The following GRIK2 variants were observed in gnomAD, a reference collection of about 807,000 sequenced individuals.
GRIK2 encodes the protein glutamate receptor ionotropic, kainate 2.
GRIK2 carries 32 observed loss-of-function variants against 100.3 expected under a neutral mutation model. The ratio of observed to expected loss-of-function variants is 0.32; its 90% CI spans 0.24 to 0.43. The LOEUF is 0.43. Ranked by LOEUF, GRIK2 falls within the 20% of genes least tolerant of loss-of-function variation. The pLI is 1.00. For missense variants in GRIK2, 843 were observed against 1,114.9 expected (o/e 0.76, Z 3.47); for synonymous variants, 417 against 389.4 (o/e 1.07, Z -0.83).
chr6:101,798,051 T>TG (rs1780432289), intron 7 of GRIK2, among the ~76,000 whole-genome samples: 1 of 151,316 alleles, frequency 6.6e-6, no homozygotes, highest in African/African-American at 2.4e-5. Flanking sequence ...TCTTTTTTTT[T>TG]TTTTTTCTAA....
chr6:101,782,780 C>T (rs1779176701), intron 7 of GRIK2, among the ~76,000 whole-genome samples: 1 of 151,682 alleles, frequency 6.6e-6, no homozygotes, highest in South Asian at 2.1e-4. Context: ...GAGTGAGCAC[C>T]ATGCTATTTT....
chr6:101,513,710 A>C (rs1354421480), intron 2 of GRIK2, among the ~76,000 whole-genome samples: 1 of 152,134 alleles, frequency 6.6e-6, no homozygotes, highest in East Asian at 1.9e-4. Flanking sequence ...CAGACACCTT[A>C]GATAGGAGTA....
At chr6:101,731,933 C>T (rs933767610) in intron 7 of GRIK2, among the ~76,000 whole-genome samples, 5 of 151,936 alleles carry the variant, frequency 3.3e-5, no homozygotes, top group Admixed American at 6.6e-5. Context: ...AATTACAAAT[C>T]TTTTCTCAAA....
intron 4 of GRIK2, among the ~76,000 whole-genome samples, chr6:101,675,796 ATGT>A (rs1192489462): frequency 6.6e-6 from 1 of 152,150 alleles, no homozygotes; most frequent in African/African-American, 2.4e-5. Flanking sequence ...TTTTAATTTA[ATGT>A]TGTTAACTAG....
intron 14 of GRIK2, among the ~76,000 whole-genome samples, chr6:101,981,746 A>C (rs888273146): frequency 1.4e-4 from 22 of 151,968 alleles, no homozygotes; most frequent in African/African-American, 5.3e-4. Flanking sequence ...TAAGGGAAGA[A>C]AAAATGGAAA....
chr6:101,680,796 T>C (rs570340419), intron 5 of GRIK2, among the ~76,000 whole-genome samples: 1 of 152,288 alleles, frequency 6.6e-6, no homozygotes, highest in South Asian at 2.1e-4. Context: ...ACAAATATGA[T>C]CTTGTAAATT....
intron 2 of GRIK2, among the ~76,000 whole-genome samples, chr6:101,619,292 ACT>A (rs1298912139): frequency 6.6e-6 from 1 of 151,630 alleles, no homozygotes; most frequent in African/African-American, 2.4e-5. Context: ...AAAATTTTAA[ACT>A]CTGGCTTGGA....
intron 14 of GRIK2, among the ~76,000 whole-genome samples, chr6:101,935,217 A>C (rs1285676008): frequency 1.3e-5 from 2 of 151,940 alleles, no homozygotes; most frequent in Non-Finnish European, 2.9e-5. Flanking sequence ...TACTTCAGTA[A>C]GTATAGGGAG....
At chr6:101,991,343 T>C (rs756612049) in intron 14 of GRIK2, among the ~76,000 whole-genome samples, 1 of 151,318 alleles carries the variant, frequency 6.6e-6, no homozygotes, top group Non-Finnish European at 1.5e-5. Context: ...CAAGTAATAG[T>C]ATGAAGTTGG....
At chr6:101,482,516 C>T (rs139613266) in intron 2 of GRIK2, among the ~76,000 whole-genome samples, 2 of 151,872 alleles carry the variant, frequency 1.3e-5, no homozygotes, top group South Asian at 4.2e-4. Flanking sequence ...TTTTATGCAG[C>T]GAAAACACTG....
chr6:102,026,922 A>G (rs1769734597), intron 14 of GRIK2, among the ~76,000 whole-genome samples: 1 of 151,226 alleles, frequency 6.6e-6, no homozygotes, highest in Non-Finnish European at 1.5e-5. Flanking sequence ...TGTTTCCCTG[A>G]ATTAACTCTA....
intron 2 of GRIK2, among the ~76,000 whole-genome samples, chr6:101,555,057 C>T (rs931705476): frequency 4.6e-5 from 7 of 152,072 alleles, no homozygotes; most frequent in Non-Finnish European, 8.8e-5. Context: ...TAGAGAAAAA[C>T]GTTAGTAAAG....
chr6:101,464,442 C>T (rs1190972654), intron 2 of GRIK2, among the ~76,000 whole-genome samples: 1 of 145,024 alleles, frequency 6.9e-6, no homozygotes, highest in East Asian at 2.1e-4. Flanking sequence ...CTTTGCCTGT[C>T]ATTATAAGTC....
chr6:101,776,726 A>G (rs944269760), intron 7 of GRIK2, among the ~76,000 whole-genome samples: 6 of 152,148 alleles, frequency 3.9e-5, no homozygotes, highest in African/African-American at 1.4e-4. Context: ...TATGTACTCA[A>G]TTTTTTATTT....
At chr6:102,043,889 T>G (rs1770733765) in intron 15 of GRIK2, among the ~76,000 whole-genome samples, 1 of 152,018 alleles carries the variant, frequency 6.6e-6, no homozygotes, top group Non-Finnish European at 1.5e-5. Flanking sequence ...ATAAGGAGTT[T>G]TCACTTTTAC....
chr6:101,748,288 G>A (rs1776563132), intron 7 of GRIK2, among the ~76,000 whole-genome samples: 1 of 151,960 alleles, frequency 6.6e-6, no homozygotes, highest in Non-Finnish European at 1.5e-5. Context: ...TCATAATTTG[G>A]TTCTATAATT....
intron 7 of GRIK2, among the ~76,000 whole-genome samples, chr6:101,739,200 A>G (rs1399881111): frequency 1.3e-5 from 2 of 152,212 alleles, no homozygotes; most frequent in Non-Finnish European, 2.9e-5. Context: ...AATAACTTCA[A>G]ATGGACTATC....
intron 7 of GRIK2, among the ~76,000 whole-genome samples, chr6:101,704,869 T>G (rs2128354848): frequency 6.6e-6 from 1 of 150,776 alleles, no homozygotes; most frequent in African/African-American, 2.4e-5. Flanking sequence ...ATTTTTAAAC[T>G]ATTAAGTTTC....
chr6:101,410,138 G>T (rs1775820716), intron 2 of GRIK2, among the ~76,000 whole-genome samples: 1 of 151,898 alleles, frequency 6.6e-6, no homozygotes, highest in Non-Finnish European at 1.5e-5. Flanking sequence ...AATGAACAAA[G>T]AAATCATGCC....
Sources: allele counts gnomAD v4.1 joint callset (sites outside exome capture counted in the v4.1 genomes callset), GRCh38; gene constraint gnomAD v4.1.1; transcripts MANE v1.5; gene names NCBI Gene and HGNC (gene_info 2026-07-23, HGNC 2026-07-21).